SPX: variants seen among roughly 807,000 people sequenced by gnomAD.
The protein encoded by SPX is spexin.
SPX carries 22 observed loss-of-function variants against 19.2 expected under a neutral mutation model. That is an observed-to-expected ratio of 1.15 (90% CI 0.82 to 1.64). The LOEUF (loss-of-function observed/expected upper bound fraction) is 1.64, where lower values mean the gene tolerates loss of function less well. SPX is among the 40% of genes most tolerant of loss of function. The probability of loss-of-function intolerance (pLI) is 0.00; values close to 1 mark genes in which losing one functional copy is unlikely to be tolerated. For missense variants in SPX, 143 were observed against 137.7 expected (o/e 1.04, Z -0.19); for synonymous variants, 50 against 53.3 (o/e 0.94, Z 0.27).
chr12:21,530,174 T>G (rs987266793), intron 5 of SPX, among the ~76,000 whole-genome samples: 2 of 152,146 alleles, frequency 1.3e-5, no homozygotes, highest in Non-Finnish European at 1.5e-5. Context: ...GATAGAAAAG[T>G]TTTTGATTCC....
At position 21,526,449 on chromosome 12, in the gene SPX, C is replaced by A; in HGVS notation, c.-24C>A. 1 of 1,581,056 alleles carries A rather than the reference C, an allele frequency of 6.3e-7. No homozygotes were observed. Among genetic ancestry groups the A allele is most frequent in the South Asian group, 1.2e-5 (1 of 85,270 alleles). On this transcript the variant is annotated 5_prime_UTR_variant, in exon 1 of 6. Transcript: ENST00000256969. ...CTCACAGATAAAGTTATAGTTATTT[C>A]AGGGTTCTGAAAAGACGCAGAACAT...
intron 5 of SPX, among the ~76,000 whole-genome samples, chr12:21,529,675 A>G (rs1943845532): frequency 6.6e-6 from 1 of 152,190 alleles, no homozygotes; most frequent in Non-Finnish European, 1.5e-5. Flanking sequence ...CTGCTATTCC[A>G]TATCTGAAAC....
Position 21,526,351 on chromosome 12 carries a change from C to G in SPX, c.-122C>G, listed in dbSNP as rs1230201249. 1.2e-6 allele frequency: 1 copy of G among 861,876 alleles called. No individual in the cohort carries two copies. Among genetic ancestry groups the G allele is most frequent in the Non-Finnish European group, 1.8e-6 (1 of 558,706 alleles). The allele number at this position is 861,876 out of a possible 1,614,324, so 53.4% of individuals were successfully genotyped here. On this transcript the variant is annotated 5_prime_UTR_variant, in exon 1 of 6. Transcript: ENST00000256969. The stretch of plus-strand genomic sequence containing the variant: ...CAAGATGTCCCTGTGGACTCCCAAA[C>G]TCTACTCCAGATGGGGAGGTGCCCT...
Position 21,527,778 on chromosome 12 carries a change from G to C in SPX, c.197G>C (p.Arg66Pro). 1.3e-6 allele frequency: 2 copies of C among 1,571,182 alleles called. No individual in the cohort carries two copies. The highest frequency in any genetic ancestry group is 1.7e-6 in the Non-Finnish European group (2 of 1,157,840). The change falls in exon 4 of 6, where the codon CGG becomes CCG. Residue 66 changes from arginine (R) to proline (P), a missense_variant. Physicochemically the swap from Arg to Pro is moderately radical, Grantham distance 103. Coordinates refer to ENST00000256969, the MANE Select transcript of SPX (RefSeq NM_030572.4). ...AGCCGGAGAAAGGACCTCTCCGACC[G>C]GCCACTGCCGGGTGAGTGACCAAGG... Reference protein sequence around the residue: ...DQSRRKDLSDRPLPERRSPNP... With the variant: ...DQSRRKDLSDPPLPERRSPNP...
chr12:21,530,269 AT>A (rs930639033), intron 5 of SPX, among the ~76,000 whole-genome samples: 2 of 152,096 alleles, frequency 1.3e-5, no homozygotes, highest in Admixed American at 6.5e-5. Flanking sequence ...TATTTAGTGA[AT>A]TATGGTTTCA....
chr12:21,529,141 G>T (rs1943841575), intron 5 of SPX, 57 bp downstream of exon 5: 16 of 1,547,578 alleles, frequency 1.0e-5, no homozygotes, highest in Admixed American at 3.4e-5. Context: ...CTTACTTTCG[G>T]GATTCTGTGT....
At chr12:21,531,076 C>G in intron 5 of SPX, 61 bp from the exon 6 acceptor site, 2 of 1,006,470 alleles carry the variant, frequency 2.0e-6, no homozygotes, top group Non-Finnish European at 3.0e-6. Flanking sequence ...CTTTGTCTTA[C>G]CTTTTCCTCT....
chr12:21,531,258 A>T lies in SPX; in HGVS notation c.*63A>T. On this transcript the variant is annotated 3_prime_UTR_variant, in exon 6 of 6. Coordinates refer to ENST00000256969, the MANE Select transcript of SPX (RefSeq NM_030572.4). Reference sequence around the variant, plus strand: ...CTTTGAAAACATGAACCATGTGAATAAAACCTTTGGACCCTTTTATTCCAT... The same window carrying T: ...CTTTGAAAACATGAACCATGTGAATTAAACCTTTGGACCCTTTTATTCCAT... 1 of 1,250,190 alleles carries T rather than the reference A, an allele frequency of 8.0e-7. No individual in the cohort carries two copies. Among genetic ancestry groups the T allele is most frequent in the East Asian group, 2.4e-5 (1 of 41,292 alleles). 77.4% of individuals were successfully genotyped at this position (1,250,190 alleles called of 1,614,324 possible).
At chr12:21,526,622 A>G in intron 1 of SPX, 144 bp downstream of exon 1, 2 of 874,288 alleles carry the variant, frequency 2.3e-6, no homozygotes, top group South Asian at 3.7e-5. Flanking sequence ...GAATCATTTG[A>G]TTTTACTAAG....
chr12:21,526,565 A>G, intron 1 of SPX, 87 bp downstream of exon 1: 4 of 1,305,088 alleles, frequency 3.1e-6, no homozygotes, highest in Non-Finnish European at 4.3e-6. Flanking sequence ...TTTAATAAGG[A>G]TTTTAGAGTT....
chr12:21,526,612 G>A, intron 1 of SPX, 134 bp downstream of exon 1: 1 of 900,222 alleles, frequency 1.1e-6, no homozygotes. Context: ...TAGAATAACA[G>A]AATCATTTGA....
intron 5 of SPX, among the ~76,000 whole-genome samples, chr12:21,530,048 T>G (rs1943849318): frequency 6.6e-6 from 1 of 152,202 alleles, no homozygotes; most frequent in African/African-American, 2.4e-5. Context: ...AGGATGTGAT[T>G]ATAGGTCCCC....
chr12:21,527,950 T>C (rs1218235658), intron 4 of SPX, 161 bp downstream of exon 4: 1 of 720,892 alleles, frequency 1.4e-6, no homozygotes, highest in Non-Finnish European at 2.2e-6. Flanking sequence ...GCAGCCCGGG[T>C]TGGCAGCAGC....
chr12:21,529,414 A>T (rs1199627073), intron 5 of SPX, among the ~76,000 whole-genome samples: 1 of 152,098 alleles, frequency 6.6e-6, no homozygotes, highest in Non-Finnish European at 1.5e-5. Flanking sequence ...AATGGGGGGA[A>T]ATAGTACCAG....
intron 1 of SPX, 89 bp from the exon 2 acceptor site, chr12:21,526,797 G>A: frequency 8.1e-7 from 1 of 1,232,760 alleles, no homozygotes; most frequent in Non-Finnish European, 1.2e-6. Context: ...GAGAAGTAAG[G>A]GGGTTTATAA....
chr12:21,527,931 C>A (rs1198255599), intron 4 of SPX, 142 bp downstream of exon 4: 2 of 872,910 alleles, frequency 2.3e-6, no homozygotes, highest in Middle Eastern at 3.8e-4. Flanking sequence ...AGATACAGTC[C>A]GCCCGAGGGC....
In SPX at chr12:21,532,905, T is replaced by C. The variant is rs1228795405; in HGVS notation, c.*1710T>C. The C allele has an allele frequency of 1.3e-5, 2 of 152,216 alleles. No individual in the cohort carries two copies. Among genetic ancestry groups the C allele is most frequent in the Non-Finnish European group, 2.9e-5 (2 of 68,046 alleles). 9.4% of individuals were successfully genotyped at this position (152,216 alleles called of 1,614,324 possible). ...AGTACTCAAATTCCTTGAATGTTCTTATGTACAAATATGCTGATTAATTAA... is the reference window on the plus strand; with the variant it reads ...AGTACTCAAATTCCTTGAATGTTCTCATGTACAAATATGCTGATTAATTAA... On this transcript the variant is annotated 3_prime_UTR_variant, in exon 6 of 6. Coordinates refer to ENST00000256969, the MANE Select transcript of SPX (RefSeq NM_030572.4).
intron 3 of SPX, 113 bp downstream of exon 3, chr12:21,527,305 C>A: frequency 2.9e-6 from 3 of 1,052,350 alleles, no homozygotes; most frequent in Non-Finnish European, 4.3e-6. Flanking sequence ...TCCCTTAAAT[C>A]ATCGAGGCCA....
Position 21,531,432 on chromosome 12 carries a change from CTTGAGT to C in SPX, c.*240_*245del. ...TTTTCAGATCACCTTGTGTCTTACT[CTTGAGT>C]TTCTTAGAATATTTATAATTATAAG... On this transcript the variant is annotated 3_prime_UTR_variant, in exon 6 of 6. Transcript: ENST00000256969. The C allele has an allele frequency of 3.0e-6, 1 of 332,578 alleles. No individual in the cohort carries two copies. The highest frequency in any genetic ancestry group is 5.4e-6 in the Non-Finnish European group (1 of 185,608). 20.6% of individuals were successfully genotyped at this position (332,578 alleles called of 1,614,324 possible). A position where few individuals can be genotyped will look rare whatever the true frequency, so the allele number is the denominator to read the frequency against.
Sources: allele counts gnomAD v4.1 joint callset (sites outside exome capture counted in the v4.1 genomes callset), GRCh38; gene constraint gnomAD v4.1.1; transcripts MANE v1.5; gene names NCBI Gene and HGNC (gene_info 2026-07-23, HGNC 2026-07-21).